The following SPSB4 variants were observed in gnomAD, a reference collection of about 807,000 sequenced individuals.
The protein encoded by SPSB4 is SPRY domain-containing SOCS box protein 4.
A neutral mutation model predicts 20.9 loss-of-function variants in SPSB4; 21 were observed. The observed-to-expected ratio is 1.01, with a 90% confidence interval of 0.71 to 1.45. The LOEUF (loss-of-function observed/expected upper bound fraction) is 1.45, where lower values mean the gene tolerates loss of function less well. Among genes scored for constraint, SPSB4 ranks in the 40% most tolerant of loss-of-function variants. SPSB4 has a pLI of 0.00. For missense variants in SPSB4, 399 were observed against 399.2 expected, an observed-to-expected ratio of 1.00 and a Z score of 0.00; for synonymous variants, 207 against 183.8, an observed-to-expected ratio of 1.13 and a Z score of -1.02.
intron 2 of SPSB4, among the ~76,000 whole-genome samples, chr3:141,099,983 C>T (rs537087027): frequency 1.3e-5 from 2 of 152,330 alleles, no homozygotes; most frequent in African/African-American, 4.8e-5. Flanking sequence ...GTGATAGTGG[C>T]TGTCATCAGC....
intron 2 of SPSB4, among the ~76,000 whole-genome samples, chr3:141,082,971 G>A (rs1938268028): frequency 1.3e-5 from 2 of 152,050 alleles, no homozygotes; most frequent in Admixed American, 6.6e-5. Context: ...CTCAGATTTG[G>A]GTTTAAGGCC....
At chr3:141,115,735 A>C (rs547425734) in intron 2 of SPSB4, among the ~76,000 whole-genome samples, 137 of 152,350 alleles carry the variant, frequency 9.0e-4, no homozygotes, top group Admixed American at 2.4e-3. Flanking sequence ...GGCTGTTTAT[A>C]AACTGAAAAC....
chr3:141,106,204 C>A (rs1938686843), intron 2 of SPSB4, among the ~76,000 whole-genome samples: 1 of 152,154 alleles, frequency 6.6e-6, no homozygotes, highest in South Asian at 2.1e-4. Flanking sequence ...TTGGACATTC[C>A]CTCTTTATTG....
At chr3:141,141,603 T>C (rs1939330475) in intron 2 of SPSB4, among the ~76,000 whole-genome samples, 1 of 152,244 alleles carries the variant, frequency 6.6e-6, no homozygotes, top group South Asian at 2.1e-4. Flanking sequence ...AGCAGTGGAA[T>C]AGTTTCGGAA....
At chr3:141,083,217 T>C (rs1938273919) in intron 2 of SPSB4, among the ~76,000 whole-genome samples, 2 of 152,228 alleles carry the variant, frequency 1.3e-5, no homozygotes, top group African/African-American at 4.8e-5. Flanking sequence ...TGGGGGTGCC[T>C]GGCCAGCTTA....
intron 2 of SPSB4, among the ~76,000 whole-genome samples, chr3:141,133,907 C>T (rs1939177389): frequency 6.6e-6 from 1 of 151,892 alleles, no homozygotes; most frequent in African/African-American, 2.4e-5. Context: ...TTGATTCTAC[C>T]CATCCATGAG....
chr3:141,068,264 T>G (rs1207162150), intron 2 of SPSB4, among the ~76,000 whole-genome samples: 1 of 152,204 alleles, frequency 6.6e-6, no homozygotes, highest in African/African-American at 2.4e-5. Context: ...CAATTGCCAT[T>G]GAATGGCAAA....
chr3:141,112,037 TCTC>T (rs936576231), intron 2 of SPSB4, among the ~76,000 whole-genome samples: 17 of 152,154 alleles, frequency 1.1e-4, no homozygotes, highest in African/African-American at 3.4e-4. Flanking sequence ...AACCCGCCCT[TCTC>T]CTCCCAGCTG....
chr3:141,097,686 C>T (rs1036976219), intron 2 of SPSB4, among the ~76,000 whole-genome samples: 7 of 152,072 alleles, frequency 4.6e-5, no homozygotes, highest in African/African-American at 1.7e-4. Context: ...GGAATGGTCT[C>T]TGGGATCTGC....
At position 141,066,267 on chromosome 3, in the gene SPSB4, G is replaced by T. The variant is rs868216784; in HGVS notation, c.163G>T (p.Ala55Ser). 6.4e-7 allele frequency: 1 copy of T among 1,554,484 alleles called. No individual in the cohort carries two copies. The highest frequency in any genetic ancestry group is 8.7e-7 in the Non-Finnish European group (1 of 1,151,258). The change falls in exon 2 of 3, where the codon GCG (alanine) becomes TCG (serine). Residue 55 changes from alanine (A) to serine (S), a missense_variant. Ala to Ser is a moderately conservative substitution (Grantham distance 99, BLOSUM62 1). Transcript: ENST00000310546. ...GGGGCTGGCTGTGCAGCTGCGGCAC[G>T]CGTGGAACCCCGAGGACCGCTCGCT... ...AAGLAVQLRH[A>S]WNPEDRSLNV...
chr3:141,146,170 C>T (rs1939409451), intron 2 of SPSB4, among the ~76,000 whole-genome samples: 1 of 151,838 alleles, frequency 6.6e-6, no homozygotes, highest in Non-Finnish European at 1.5e-5. Context: ...GGGCCTGGAC[C>T]AGAATAAGAG....
rs140865070 is a variant in SPSB4 at position 141,137,131 on chromosome 3, G to T, written c.695-10011G>T. ...TGAATGGGAGTTCACTCATGATTTGGCTCTCTGTTTGTCTGTTATTGGTGT... is the reference window on the plus strand; with the variant it reads ...TGAATGGGAGTTCACTCATGATTTGTCTCTCTGTTTGTCTGTTATTGGTGT... On this transcript the variant is annotated intron_variant, in intron 2 of 2. Coordinates refer to ENST00000310546, the MANE Select transcript of SPSB4 (RefSeq NM_080862.3). Among the ~76,000 whole-genome samples, 913 of 152,116 alleles carry T rather than the reference G, an allele frequency of 6.0e-3. 9 individuals are homozygous for T. The highest frequency in any genetic ancestry group is 0.021 in the African/African-American group (869 of 41,486).
At position 141,066,729 on chromosome 3, in the gene SPSB4, C is replaced by A. The variant is rs755707354; in HGVS notation, c.625C>A (p.Leu209Met). The A allele has an allele frequency of 6.2e-7, 1 of 1,608,242 alleles. No homozygotes were observed. The highest frequency in any genetic ancestry group is 1.7e-5 in the Admixed American group (1 of 59,366). The change falls in exon 2 of 3, where the codon CTG becomes ATG. Residue 209 changes from leucine to methionine, a missense_variant. Coordinates refer to ENST00000310546, the MANE Select transcript of SPSB4 (RefSeq NM_080862.3). ...VAFRGLKGKK[L>M]YPVVSAVWGH... ...CTTCCGAGGTCTCAAGGGCAAGAAG[C>A]TGTACCCGGTGGTGAGTGCCGTGTG...
chr3:141,101,084 C>T (rs112253063), intron 2 of SPSB4, among the ~76,000 whole-genome samples: 59 of 152,254 alleles, frequency 3.9e-4, no homozygotes, highest in African/African-American at 9.1e-4. Flanking sequence ...GGATGTGGTA[C>T]GAGTTGTCAT....
In SPSB4 at chr3:141,077,959, C is replaced by T. The variant is rs57113147; in HGVS notation, c.694+11161C>T. Among the ~76,000 whole-genome samples, 1,265 of 152,342 alleles carry T rather than the reference C, an allele frequency of 8.3e-3. 24 individuals are homozygous for T. The highest frequency in any genetic ancestry group is 0.029 in the African/African-American group (1,216 of 41,566). ...AACTGCACGTCTGCCATGGTCTCCC[C>T]CCATCTCCTCTATCTTTTCTGTTCC... On this transcript the variant is annotated intron_variant, in intron 2 of 2. Transcript: ENST00000310546.
intron 2 of SPSB4, among the ~76,000 whole-genome samples, chr3:141,090,432 T>C (rs1938428977): frequency 6.6e-6 from 1 of 152,064 alleles, no homozygotes. Context: ...TGGAGTGTGT[T>C]GGAGGAGGCT....
chr3:141,126,715 G>A (rs1476717882), intron 2 of SPSB4, among the ~76,000 whole-genome samples: 2 of 152,192 alleles, frequency 1.3e-5, no homozygotes, highest in Non-Finnish European at 1.5e-5. Context: ...CACAAGCACC[G>A]TCAGAGACAG....
intron 2 of SPSB4, among the ~76,000 whole-genome samples, chr3:141,137,696 T>C (rs1266839924): frequency 6.6e-6 from 1 of 152,212 alleles, no homozygotes. Context: ...CACTTGATCA[T>C]GGTGGATAAG....
At chr3:141,094,793 C>G (rs534811416) in intron 2 of SPSB4, among the ~76,000 whole-genome samples, 171 of 142,366 alleles carry the variant, frequency 1.2e-3, no homozygotes, top group Middle Eastern at 3.5e-3. Flanking sequence ...CCTTTGCCCC[C>G]CTGGGAGCAG....
Sources: allele counts gnomAD v4.1 joint callset (sites outside exome capture counted in the v4.1 genomes callset), GRCh38; gene constraint gnomAD v4.1.1; transcripts MANE v1.5; gene names NCBI Gene and HGNC (gene_info 2026-07-23, HGNC 2026-07-21).